Variants in PRR23D1 observed in about 807,000 individuals in gnomAD.
PRR23D1 encodes proline-rich protein 23D1.
At chr8:7,536,721 C>T (rs570290193), upstream of PRR23D1, among the ~76,000 whole-genome samples, 438 of 142,782 alleles carry the variant, frequency 3.1e-3, 3 homozygotes, top group African/African-American at 0.011. Flanking sequence ...TTCTCTTATT[C>T]GAGCTCCTCT....
At chr8:7,538,795 A>G (rs1812700159), upstream of PRR23D1, among the ~76,000 whole-genome samples, 1 of 151,982 alleles carries the variant, frequency 6.6e-6, no homozygotes, top group Non-Finnish European at 1.5e-5. Flanking sequence ...TAACAGACAG[A>G]TTAATACACA....
chr8:7,536,725 C>A (rs1192911816), upstream of PRR23D1, among the ~76,000 whole-genome samples: 1 of 144,146 alleles, frequency 6.9e-6, no homozygotes, highest in Non-Finnish European at 1.5e-5. Context: ...CTTATTCGAG[C>A]TCCTCTTTCC....
upstream of PRR23D1, among the ~76,000 whole-genome samples, chr8:7,539,180 GTTATA>G: frequency 7.2e-6 from 1 of 139,244 alleles, no homozygotes; most frequent in South Asian, 2.4e-4. Flanking sequence ...ATGTGATTAT[GTTATA>G]TTCAAATTCT....
upstream of PRR23D1, among the ~76,000 whole-genome samples, chr8:7,539,039 CAA>C (rs1443213250): frequency 1.3e-5 from 2 of 151,368 alleles, no homozygotes; most frequent in Non-Finnish European, 2.9e-5. Flanking sequence ...AAGATTTGCA[CAA>C]GTTTCTTCAA....
chr8:7,536,935 A>G (rs1312949592), upstream of PRR23D1, among the ~76,000 whole-genome samples: 23 of 125,280 alleles, frequency 1.8e-4, no homozygotes, highest in African/African-American at 7.5e-4. Context: ...AGTGAAGGCC[A>G]AGAGTCCCGC....
intron 1 of PRR23D1, 125 bp from the exon 2 acceptor site, chr8:7,540,517 ACAC>A: frequency 4.8e-6 from 1 of 208,032 alleles, no homozygotes; most frequent in Admixed American, 9.9e-5. Context: ...TTGGAGCTGA[ACAC>A]AAGTGCATGT....
upstream of PRR23D1, among the ~76,000 whole-genome samples, chr8:7,537,240 CGTGT>C (rs2128889517): frequency 1.1e-5 from 1 of 92,222 alleles, no homozygotes; most frequent in East Asian, 2.4e-4. Context: ...GCTGTTCCTA[CGTGT>C]TTTCTTCTGC....
upstream of PRR23D1, among the ~76,000 whole-genome samples, chr8:7,538,819 A>G (rs1812701067): frequency 6.6e-6 from 1 of 152,012 alleles, no homozygotes; most frequent in African/African-American, 2.4e-5. Flanking sequence ...ATATATTAGA[A>G]ATTAAGTAAA....
upstream of PRR23D1, among the ~76,000 whole-genome samples, chr8:7,537,226 C>T: frequency 1.0e-5 from 1 of 97,372 alleles, no homozygotes; most frequent in East Asian, 2.4e-4. Context: ...ACTTAATGTT[C>T]TGGGCTGTTC....
upstream of PRR23D1, among the ~76,000 whole-genome samples, chr8:7,536,737 CCACATA>C (rs1812652543): frequency 1.4e-5 from 2 of 145,410 alleles, no homozygotes; most frequent in African/African-American, 5.3e-5. Flanking sequence ...CCTCTTTCCT[CCACATA>C]CAGGGAATCA....
upstream of PRR23D1, among the ~76,000 whole-genome samples, chr8:7,536,940 T>TC (rs1812659908): frequency 8.2e-6 from 1 of 121,404 alleles, no homozygotes; most frequent in Non-Finnish European, 1.7e-5. Context: ...AGGCCAAGAG[T>TC]CCCGCGCTGC....
upstream of PRR23D1, among the ~76,000 whole-genome samples, chr8:7,536,710 T>G (rs1812651150): frequency 7.0e-6 from 1 of 141,868 alleles, no homozygotes; most frequent in Non-Finnish European, 1.5e-5. Context: ...ACACAGAATG[T>G]TTCTCTTATT....
upstream of PRR23D1, among the ~76,000 whole-genome samples, chr8:7,538,853 C>G (rs1413188853): frequency 6.6e-6 from 1 of 151,812 alleles, no homozygotes; most frequent in Non-Finnish European, 1.5e-5. Flanking sequence ...TTTTCCCCAG[C>G]TTGTCTTATA....
At chr8:7,539,069 C>T (rs1812710246), upstream of PRR23D1, among the ~76,000 whole-genome samples, 1 of 151,128 alleles carries the variant, frequency 6.6e-6, no homozygotes, top group Admixed American at 6.6e-5. Context: ...TTAAATTTTC[C>T]ATGCATCACA....
At chr8:7,538,797 T>G (rs1193810549), upstream of PRR23D1, among the ~76,000 whole-genome samples, 2 of 151,992 alleles carry the variant, frequency 1.3e-5, no homozygotes, top group African/African-American at 4.8e-5. Flanking sequence ...ACAGACAGAT[T>G]AATACACAAT....
upstream of PRR23D1, among the ~76,000 whole-genome samples, chr8:7,539,427 AT>A (rs1331792166): frequency 4.5e-4 from 8 of 17,808 alleles, no homozygotes; most frequent in South Asian, 1.7e-3. Flanking sequence ...TCTTGAATTA[AT>A]TTTGATTGAA....
chr8:7,536,959 A>G (rs1434509655), upstream of PRR23D1, among the ~76,000 whole-genome samples: 1 of 118,620 alleles, frequency 8.4e-6, no homozygotes, highest in Non-Finnish European at 1.7e-5. Context: ...GCAAGCCCAT[A>G]GCCGGCAGAG....
At chr8:7,536,715 C>G (rs1478686026), upstream of PRR23D1, among the ~76,000 whole-genome samples, 1 of 142,386 alleles carries the variant, frequency 7.0e-6, no homozygotes, top group Non-Finnish European at 1.5e-5. Flanking sequence ...GAATGTTTCT[C>G]TTATTCGAGC....
chr8:7,538,699 AT>A (rs1812695990), upstream of PRR23D1, among the ~76,000 whole-genome samples: 1 of 149,118 alleles, frequency 6.7e-6, no homozygotes, highest in Non-Finnish European at 1.5e-5. Context: ...AGAATGATGG[AT>A]TTGTAATTAA....
Sources: allele counts gnomAD v4.1 joint callset (sites outside exome capture counted in the v4.1 genomes callset), GRCh38; gene constraint gnomAD v4.1.1; transcripts MANE v1.5; gene names NCBI Gene and HGNC (gene_info 2026-07-23, HGNC 2026-07-21).